The following SLC9A8 variants were observed in gnomAD, a reference collection of about 807,000 sequenced individuals.
SLC9A8 encodes the protein sodium/hydrogen exchanger 8.
Under a neutral mutation model 66.6 loss-of-function variants are expected in SLC9A8, and 48 were observed. That is an observed-to-expected ratio of 0.72 (90% CI 0.57 to 0.92). The LOEUF is 0.92. Ranked by LOEUF, SLC9A8 falls within the 40% of genes least tolerant of loss-of-function variation. SLC9A8 has a pLI of 0.00. For missense variants in SLC9A8, 599 were observed against 747.3 expected, an observed-to-expected ratio of 0.80 and a Z score of 2.31; for synonymous variants, 274 against 282.6, an observed-to-expected ratio of 0.97 and a Z score of 0.31.
rs148818208 is a variant in SLC9A8 at position 49,823,074 on chromosome 20, A to G, written c.222A>G (p.Ile74Met). 1.5e-4 allele frequency: 234 copies of G among 1,610,688 alleles called. No individual in the cohort carries two copies. The highest frequency in any genetic ancestry group is 1.7e-4 in the Non-Finnish European group (203 of 1,177,858). Residue 74 changes from isoleucine (I) to methionine (M), a missense_variant, in exon 3 of 16, where the codon ATA becomes ATG. Ile to Met is a conservative substitution (Grantham distance 10). This residue lies in a region of SLC9A8 where 132 missense variants were observed against 120.9 expected (regional missense o/e 1.09). Transcript: ENST00000361573. ...FSLLVLAICI[I>M]LVHLLIRYRL... Reference sequence around the variant, plus strand: ...TTTTTTCCACAGCTATCTGCATCATATTGGTGCATTTACTGATCCGATACA... The same window carrying G: ...TTTTTTCCACAGCTATCTGCATCATGTTGGTGCATTTACTGATCCGATACA...
At chr20:49,858,815 C>T (rs901689733) in intron 8 of SLC9A8, among the ~76,000 whole-genome samples, 12 of 151,662 alleles carry the variant, frequency 7.9e-5, no homozygotes, top group South Asian at 4.2e-4. Context: ...AAAATTAGCC[C>T]GGCATGGTGG....
intron 2 of SLC9A8, among the ~76,000 whole-genome samples, chr20:49,817,668 G>A (rs2086603891): frequency 6.6e-6 from 1 of 151,956 alleles, no homozygotes; most frequent in African/African-American, 2.4e-5. Context: ...CTTTTTATTT[G>A]AAATCCTAGG....
At position 49,831,348 on chromosome 20, in the gene SLC9A8, G is replaced by A. The variant is rs560805954; in HGVS notation, c.290-8193G>A. 1.8e-4 allele frequency among the ~76,000 whole-genome samples: 28 copies of A among 151,652 alleles called. 2 individuals are homozygous for A. The South Asian group carries it at 5.2e-3, about 28-fold the overall frequency. ...GGCCTCCACACGAGGAGGTGGCTGT[G>A]TGTGCACGCACACACACGAGGAGGT... On this transcript the variant is annotated intron_variant, in intron 3 of 15. Coordinates refer to ENST00000361573, the MANE Select transcript of SLC9A8 (RefSeq NM_015266.3).
chr20:49,840,993 C>G (rs542052281), intron 4 of SLC9A8, among the ~76,000 whole-genome samples: 1 of 151,152 alleles, frequency 6.6e-6, no homozygotes, highest in Non-Finnish European at 1.5e-5. Context: ...TTTGAATTGA[C>G]TTTAAAACAA....
chr20:49,840,026 T>G (rs1234892367), intron 4 of SLC9A8, among the ~76,000 whole-genome samples: 1 of 152,160 alleles, frequency 6.6e-6, no homozygotes, highest in Non-Finnish European at 1.5e-5. Flanking sequence ...CTCATGACAG[T>G]CATGTGAGGT....
Position 49,817,278 on chromosome 20 carries a change from C to G in SLC9A8, c.208+2089C>G, listed in dbSNP as rs533819061. 2.6e-5 allele frequency among the ~76,000 whole-genome samples: 4 copies of G among 152,020 alleles called. No individual in the cohort carries two copies. In the East Asian group the frequency reaches 7.8e-4, roughly 30 times the overall value. On this transcript the variant is annotated intron_variant, in intron 2 of 15. Coordinates refer to ENST00000361573, the MANE Select transcript of SLC9A8 (RefSeq NM_015266.3). The stretch of plus-strand genomic sequence containing the variant: ...GTTGCAGTAAGCCGAGATCGCGCCA[C>G]TGCACTCCAGCCTGAGTGACAAGAG...
At chr20:49,841,026 C>T (rs957605074) in intron 4 of SLC9A8, among the ~76,000 whole-genome samples, 18 of 150,400 alleles carry the variant, frequency 1.2e-4, no homozygotes, top group Admixed American at 4.0e-4. Flanking sequence ...AGATTTTGGG[C>T]GGGTGCGGTG....
chr20:49,815,611 G>A (rs1165431338), intron 2 of SLC9A8, among the ~76,000 whole-genome samples: 2 of 152,080 alleles, frequency 1.3e-5, no homozygotes, highest in Non-Finnish European at 2.9e-5. Context: ...TAGGCGTAGT[G>A]GTGTATGCCT....
intron 12 of SLC9A8, among the ~76,000 whole-genome samples, chr20:49,878,948 C>T (rs1352631857): frequency 2.0e-5 from 3 of 151,930 alleles, no homozygotes. Context: ...ACCCGGGAGG[C>T]GGAGGTTGCA....
rs914044965 is a variant in SLC9A8 at position 49,839,723 on chromosome 20, A to G, written c.348+124A>G. 4.6e-5 allele frequency: 23 copies of G among 499,810 alleles called. No homozygotes were observed. In the East Asian group the frequency reaches 4.9e-4, roughly 11 times the overall value. The allele number at this position is 499,810 out of a possible 1,614,324, so 31.0% of individuals were successfully genotyped here. Reference sequence around the variant, plus strand: ...TATGTTATATATCCCATTACTTTTTAATTTTTTTATTAGATACAGGTTGAT... The same window carrying G: ...TATGTTATATATCCCATTACTTTTTGATTTTTTTATTAGATACAGGTTGAT... On this transcript the variant is annotated intron_variant, in intron 4 of 15. Coordinates refer to ENST00000361573, the MANE Select transcript of SLC9A8 (RefSeq NM_015266.3).
Position 49,845,033 on chromosome 20 carries a change from C to G in SLC9A8, c.349-3C>G. On this transcript the variant is annotated splice_polypyrimidine_tract_variant and splice_region_variant and intron_variant, in intron 4 of 15. Transcript: ENST00000361573. Reference sequence around the variant, plus strand: ...CCTTAAGATACTCATTTTCTATTTACAGGAAGAAGAAATGTTTCGTCCAAA... The same window carrying G: ...CCTTAAGATACTCATTTTCTATTTAGAGGAAGAAGAAATGTTTCGTCCAAA... 1 of 1,605,360 alleles carries G rather than the reference C, an allele frequency of 6.2e-7. No homozygotes were observed. Among genetic ancestry groups the G allele is most frequent in the East Asian group, 2.2e-5 (1 of 44,836 alleles).
intron 2 of SLC9A8, among the ~76,000 whole-genome samples, chr20:49,819,782 A>G (rs1412709960): frequency 1.3e-5 from 2 of 152,226 alleles, no homozygotes; most frequent in Non-Finnish European, 1.5e-5. Context: ...ATTTCATATA[A>G]ATGAAACCAT....
intron 4 of SLC9A8, among the ~76,000 whole-genome samples, chr20:49,840,914 C>T (rs1160913899): frequency 3.3e-5 from 5 of 149,734 alleles, no homozygotes; most frequent in African/African-American, 1.2e-4. Context: ...CTCAGGAGCT[C>T]GAGACCAGCC....
At chr20:49,869,013 T>C (rs2089087106) in intron 10 of SLC9A8, among the ~76,000 whole-genome samples, 1 of 152,230 alleles carries the variant, frequency 6.6e-6, no homozygotes, top group African/African-American at 2.4e-5. Flanking sequence ...TTTTTATTGT[T>C]CAGTCAAGCC....
chr20:49,887,103 C>T (rs780943486), intron 15 of SLC9A8, among the ~76,000 whole-genome samples: 5 of 152,198 alleles, frequency 3.3e-5, no homozygotes, highest in South Asian at 2.1e-4. Context: ...ACATTTAGTG[C>T]GAGGTTAATA....
chr20:49,830,017 ACCAG>A, intron 3 of SLC9A8: 1 of 646,222 alleles, frequency 1.5e-6, no homozygotes, highest in Non-Finnish European at 3.0e-6. Context: ...TGATGGCCGG[ACCAG>A]TGGCTGCATT....
chr20:49,821,692 G>A (rs6067237), intron 2 of SLC9A8, among the ~76,000 whole-genome samples: 13,024 of 152,130 alleles, frequency 0.086, 667 homozygotes, highest in Middle Eastern at 0.13. Flanking sequence ...TAGGTGCCCA[G>A]TAAAAGAAAG....
rs1290834816 is a variant in SLC9A8 at position 49,830,566 on chromosome 20, G to A, written c.289+7425G>A. 44 of 615,846 alleles carry A rather than the reference G, an allele frequency of 7.1e-5. No homozygotes were observed. The East Asian group carries it at 1.0e-3, about 14-fold the overall frequency. 38.1% of individuals were successfully genotyped at this position (615,846 alleles called of 1,614,324 possible). On this transcript the variant is annotated intron_variant, in intron 3 of 15. Coordinates refer to ENST00000361573, the MANE Select transcript of SLC9A8 (RefSeq NM_015266.3). ...TGGGTGATTGCGTCCAGGTCGGGGG[G>A]TCGCTTTCCAGAAGCTCCCATCTCA...
chr20:49,862,477 G>T (rs1022343593), intron 8 of SLC9A8, among the ~76,000 whole-genome samples: 6 of 152,132 alleles, frequency 3.9e-5, no homozygotes, highest in Non-Finnish European at 8.8e-5. Context: ...GGCCAGGCTG[G>T]TCTGAACTCC....
Sources: gnomAD v4.1 joint callset for allele counts (sites outside exome capture counted in the v4.1 genomes callset) on GRCh38, gnomAD v4.1.1 for gene constraint, gnomAD v4.1.1 regional missense constraint, MANE v1.5 for transcripts, NCBI Gene and HGNC (gene_info 2026-07-23, HGNC 2026-07-21) for gene names.